GDF1: variants seen among roughly 807,000 people sequenced by gnomAD.
The protein encoded by GDF1 is growth differentiation factor 1.
A neutral mutation model predicts 7.4 loss-of-function variants in GDF1; 8 were observed. The observed-to-expected ratio is 1.09, with a 90% CI of 0.64 to 1.96. The LOEUF is 1.96. Ranked by LOEUF, GDF1 falls within the 30% of genes most tolerant of loss-of-function variation. The pLI, the probability that GDF1 is intolerant of heterozygous loss-of-function variation, is 0.00. For synonymous variants in GDF1, 311 were observed against 276.7 expected (o/e 1.12, Z -1.23); for missense variants, 574 against 551.5 (o/e 1.04, Z -0.41).
At chr19:18,886,017 G>A (rs1246754215) in intron 2 of GDF1, among the ~76,000 whole-genome samples, 1 of 152,084 alleles carries the variant, frequency 6.6e-6, no homozygotes, top group East Asian at 1.9e-4. Context: ...TGACCACCAC[G>A]CTCAGGTGAT....
intron 2 of GDF1, among the ~76,000 whole-genome samples, chr19:18,893,106 G>C (rs1442713446): frequency 2.0e-5 from 3 of 151,988 alleles, no homozygotes; most frequent in African/African-American, 7.3e-5. Flanking sequence ...GTAGAGACGG[G>C]GTTTCACCAT....
chr19:18,883,698 G>C (rs1304078833), intron 3 of GDF1, among the ~76,000 whole-genome samples: 3 of 152,186 alleles, frequency 2.0e-5, no homozygotes, highest in Non-Finnish European at 4.4e-5. Flanking sequence ...AGAACATCAG[G>C]GTGTGTCAGC....
In GDF1 at chr19:18,880,344, G is replaced by A. The variant is rs746909154; in HGVS notation, c.-641C>T. ...TGCAGCCGATGGTAGGAGCCGCCGCGGGACTTGAAGTAAATGTTGAGCTTG... is the reference window on the plus strand; with the variant it reads ...TGCAGCCGATGGTAGGAGCCGCCGCAGGACTTGAAGTAAATGTTGAGCTTG... On this transcript the variant is annotated 5_prime_UTR_variant, in exon 4 of 8. Transcript: ENST00000247005. The A allele has an allele frequency of 8.3e-6, 13 of 1,560,678 alleles. No homozygotes were observed. Among genetic ancestry groups the A allele is most frequent in the South Asian group, 5.9e-5 (5 of 84,638 alleles).
intron 2 of GDF1, among the ~76,000 whole-genome samples, chr19:18,893,164 T>C (rs1311426485): frequency 2.6e-5 from 4 of 152,078 alleles, no homozygotes; most frequent in Admixed American, 1.3e-4. Flanking sequence ...CCACTCACCT[T>C]GGCCTCCCAA....
chr19:18,890,346 C>G (rs1218512723), intron 2 of GDF1, among the ~76,000 whole-genome samples: 2 of 152,252 alleles, frequency 1.3e-5, no homozygotes, highest in African/African-American at 2.4e-5. Flanking sequence ...CCGTCTGTTG[C>G]CCCTGCCACA....
At chr19:18,874,724 C>T (rs2056031582) in intron 6 of GDF1, among the ~76,000 whole-genome samples, 1 of 152,174 alleles carries the variant, frequency 6.6e-6, no homozygotes, top group Non-Finnish European at 1.5e-5. Context: ...CCCACATCAC[C>T]AGGGGTCCCC....
Position 18,868,782 on chromosome 19 carries a change from G to A in GDF1, c.934C>T (p.Pro312Ser). The A allele has an allele frequency of 1.4e-6, 2 of 1,464,542 alleles. No homozygotes were observed. Among genetic ancestry groups the A allele is most frequent in the Non-Finnish European group, 9.1e-7 (1 of 1,099,530 alleles). 90.7% of individuals were successfully genotyped at this position (1,464,542 alleles called of 1,614,324 possible). A position where few individuals can be genotyped will look rare whatever the true frequency, so the allele number is the denominator to read the frequency against. ...AGCACAGCGTGGTTGAGCGCCGGCG[G>A]CCCCCCGGACCCCGACAGCGCGACG... ...LPVALSGSGG[P>S]PALNHAVLRA... The change falls in exon 8 of 8, where the codon CCG becomes TCG. Residue 312 changes from proline to serine, a missense_variant. By Grantham distance (74) the Pro-to-Ser change is moderately conservative. Transcript: ENST00000247005.
At chr19:18,889,603 T>C (rs2056444894) in intron 2 of GDF1, among the ~76,000 whole-genome samples, 1 of 152,174 alleles carries the variant, frequency 6.6e-6, no homozygotes, top group South Asian at 2.1e-4. Flanking sequence ...TTTATTTTTT[T>C]ATTTTTTGTA....
At chr19:18,894,462 T>G (rs1275353043) in intron 1 of GDF1, among the ~76,000 whole-genome samples, 2 of 152,142 alleles carry the variant, frequency 1.3e-5, no homozygotes, top group Non-Finnish European at 2.9e-5. Context: ...CTCCACCCAT[T>G]TCTGAGGAAG....
intron 2 of GDF1, among the ~76,000 whole-genome samples, chr19:18,892,819 T>C (rs2056525260): frequency 6.6e-6 from 1 of 151,986 alleles, no homozygotes. Flanking sequence ...GATACCCCCT[T>C]TCCTGTCCCC....
intron 6 of GDF1, among the ~76,000 whole-genome samples, chr19:18,876,333 T>G (rs1270489311): frequency 6.6e-6 from 1 of 151,594 alleles, no homozygotes; most frequent in Non-Finnish European, 1.5e-5. Flanking sequence ...TAAAATAAAC[T>G]TTTTTGTTTG....
intron 6 of GDF1, chr19:18,877,858 G>A (rs1476974440): frequency 5.3e-6 from 3 of 568,214 alleles, no homozygotes; most frequent in African/African-American, 2.1e-5. Flanking sequence ...CAGAACCCAT[G>A]TGACCCTCTG....
intron 6 of GDF1, among the ~76,000 whole-genome samples, chr19:18,871,829 G>A (rs1015168380): frequency 3.3e-5 from 5 of 152,170 alleles, no homozygotes; most frequent in East Asian, 3.9e-4. Flanking sequence ...CCTTGAGACC[G>A]TGAGTGGCGT....
intron 4 of GDF1, among the ~76,000 whole-genome samples, chr19:18,879,971 C>A (rs896983444): frequency 6.6e-6 from 1 of 151,776 alleles, no homozygotes; most frequent in African/African-American, 2.4e-5. Flanking sequence ...TCTTCCCCTT[C>A]CATGCCTGGC....
chr19:18,879,486 C>T, intron 4 of GDF1, 98 bp from the exon 5 acceptor site: 1 of 1,376,786 alleles, frequency 7.3e-7, no homozygotes, highest in African/African-American at 1.4e-5. Context: ...GCCCCCTTAT[C>T]CCATCCTTGC....
chr19:18,870,384 TG>T lies in GDF1; in HGVS notation c.-78del, dbSNP rs1432153596. On this transcript the variant is annotated 5_prime_UTR_variant, in exon 7 of 8. Transcript: ENST00000247005. The surrounding 1 kb of genome is among the most constrained non-coding windows in gnomAD (Gnocchi z 5.1). Reference sequence around the variant, plus strand: ...ACCAGTGGGCTGAGGGCGGGGCCGGTGTCCCCGGAGGGGCAGGGGTCCTGGG... The same window carrying T: ...ACCAGTGGGCTGAGGGCGGGGCCGGTTCCCCGGAGGGGCAGGGGTCCTGGG... 3 of 1,490,766 alleles carry T rather than the reference TG, an allele frequency of 2.0e-6. No homozygotes were observed. Among genetic ancestry groups the T allele is most frequent in the Non-Finnish European group, 2.7e-6 (3 of 1,110,206 alleles). The allele number at this position is 1,490,766 out of a possible 1,614,324, so 92.3% of individuals were successfully genotyped here. A position where few individuals can be genotyped will look rare whatever the true frequency, so the allele number is the denominator to read the frequency against.
intron 2 of GDF1, among the ~76,000 whole-genome samples, chr19:18,888,550 G>T (rs2056417946): frequency 7.3e-6 from 1 of 136,988 alleles, no homozygotes; most frequent in Non-Finnish European, 1.5e-5. Flanking sequence ...AAAAAAACAG[G>T]CTAGGTGCGG....
intron 2 of GDF1, among the ~76,000 whole-genome samples, chr19:18,885,979 T>C (rs921666717): frequency 7.2e-5 from 11 of 152,082 alleles, no homozygotes; most frequent in Non-Finnish European, 1.0e-4. Context: ...CTGCCTCACC[T>C]TCCCCTCCTC....
chr19:18,894,146 G>A (rs2056566846), intron 1 of GDF1, among the ~76,000 whole-genome samples: 1 of 151,340 alleles, frequency 6.6e-6, no homozygotes, highest in South Asian at 2.1e-4. Context: ...AGAAAAAGGG[G>A]ACAGGAGGCG....
Sources: allele counts gnomAD v4.1 joint callset (sites outside exome capture counted in the v4.1 genomes callset), GRCh38; gene constraint gnomAD v4.1.1; non-coding constraint Gnocchi (gnomAD v3.1); transcripts MANE v1.5; gene names NCBI Gene and HGNC (gene_info 2026-07-23, HGNC 2026-07-21).